The following ENTREP2 variants were observed in gnomAD, a reference collection of about 807,000 sequenced individuals.
ENTREP2 encodes protein ENTREP2.
the ENTREP2 span, among the ~76,000 whole-genome samples, chr15:29,623,195 T>C: frequency 3.9e-5 from 6 of 152,162 alleles, no homozygotes; most frequent in African/African-American, 1.2e-4. Flanking sequence ...CGTCTTCCCC[T>C]GACAATGTTT....
chr15:29,368,735 G>A, the ENTREP2 span, among the ~76,000 whole-genome samples: 1 of 151,848 alleles, frequency 6.6e-6, no homozygotes, highest in South Asian at 2.1e-4. Flanking sequence ...AAATTAGCCA[G>A]GTGTGGTAGC....
At chr15:29,377,859 TAATAAA>T in the ENTREP2 span, among the ~76,000 whole-genome samples, 20,901 of 142,174 alleles carry the variant, frequency 0.15, 1,737 homozygotes, top group South Asian at 0.26. Flanking sequence ...ATAATAATAA[TAATAAA>T]AAAATGAGCC....
chr15:29,538,606 A>G, the ENTREP2 span, among the ~76,000 whole-genome samples: 1 of 147,332 alleles, frequency 6.8e-6, no homozygotes, highest in Admixed American at 6.9e-5. Context: ...CATCCTGGCT[A>G]ACACGGTGAA....
the ENTREP2 span, among the ~76,000 whole-genome samples, chr15:29,672,039 T>C: frequency 6.6e-6 from 1 of 152,144 alleles, no homozygotes; most frequent in South Asian, 2.1e-4. Flanking sequence ...CAGGCTGGAG[T>C]GCAGTGGCGC....
the ENTREP2 span, among the ~76,000 whole-genome samples, chr15:29,380,430 A>C: frequency 2.0e-5 from 3 of 152,100 alleles, no homozygotes; most frequent in African/African-American, 7.2e-5. Context: ...TAAAGAGGAG[A>C]TTTTAAATAA....
the ENTREP2 span, among the ~76,000 whole-genome samples, chr15:29,416,626 C>T: frequency 6.6e-6 from 1 of 152,178 alleles, no homozygotes; most frequent in African/African-American, 2.4e-5. Flanking sequence ...GCAATGGCAA[C>T]AAAAGCCAAA....
chr15:29,362,115 C>A, the ENTREP2 span, among the ~76,000 whole-genome samples: 1 of 152,076 alleles, frequency 6.6e-6, no homozygotes, highest in Non-Finnish European at 1.5e-5. Flanking sequence ...CAGAGACGGC[C>A]CCCACTCAGT....
chr15:29,411,582 A>G, the ENTREP2 span, among the ~76,000 whole-genome samples: 1 of 152,318 alleles, frequency 6.6e-6, no homozygotes, highest in East Asian at 1.9e-4. Flanking sequence ...TGAAATCATA[A>G]TCAGTTATGT....
the ENTREP2 span, among the ~76,000 whole-genome samples, chr15:29,606,850 G>A: frequency 6.6e-6 from 1 of 151,544 alleles, no homozygotes; most frequent in African/African-American, 2.4e-5. Context: ...TCTTTTTTGA[G>A]ACAGGTTCTT....
the ENTREP2 span, among the ~76,000 whole-genome samples, chr15:29,479,809 C>T: frequency 6.6e-6 from 1 of 152,066 alleles, no homozygotes; most frequent in Non-Finnish European, 1.5e-5. Context: ...ACACTTTTCC[C>T]ATTGGGCTGA....
At chr15:29,271,726 C>A in the ENTREP2 span, among the ~76,000 whole-genome samples, 2 of 152,116 alleles carry the variant, frequency 1.3e-5, no homozygotes, top group Non-Finnish European at 2.9e-5. Context: ...GTGTTGTGAG[C>A]TCTTTAAAGG....
chr15:29,466,803 A>G, the ENTREP2 span, among the ~76,000 whole-genome samples: 4 of 126,210 alleles, frequency 3.2e-5, no homozygotes, highest in Non-Finnish European at 6.6e-5. Flanking sequence ...AGGACGCTGC[A>G]GCCCCCAGGG....
chr15:29,296,720 C>A, the ENTREP2 span, among the ~76,000 whole-genome samples: 1 of 152,160 alleles, frequency 6.6e-6, no homozygotes, highest in Non-Finnish European at 1.5e-5. Context: ...TCTAGGGCTG[C>A]TGTAATCAAG....
At chr15:29,354,504 C>T in the ENTREP2 span, among the ~76,000 whole-genome samples, 1 of 152,098 alleles carries the variant, frequency 6.6e-6, no homozygotes, top group Non-Finnish European at 1.5e-5. Context: ...TCAATTAAGA[C>T]CCTTCTATCA....
the ENTREP2 span, among the ~76,000 whole-genome samples, chr15:29,623,247 C>G: frequency 2.0e-5 from 3 of 152,178 alleles, no homozygotes; most frequent in African/African-American, 7.2e-5. Flanking sequence ...GAGCCAGCCT[C>G]TGAGCGAGGA....
the ENTREP2 span, among the ~76,000 whole-genome samples, chr15:29,284,390 C>T: frequency 6.6e-6 from 1 of 151,884 alleles, no homozygotes; most frequent in Non-Finnish European, 1.5e-5. Context: ...AAACCCATCT[C>T]TACTAAAAAT....
At chr15:29,346,068 T>G in the ENTREP2 span, among the ~76,000 whole-genome samples, 4 of 152,120 alleles carry the variant, frequency 2.6e-5, no homozygotes, top group Non-Finnish European at 5.9e-5. Flanking sequence ...GAGCCAAGCA[T>G]CCCGCTCGGC....
At chr15:29,533,564 C>T in the ENTREP2 span, among the ~76,000 whole-genome samples, 2 of 152,142 alleles carry the variant, frequency 1.3e-5, no homozygotes, top group East Asian at 1.9e-4. Flanking sequence ...GTACAAGAGT[C>T]TTAAGTGGTA....
At chr15:29,526,621 C>T in the ENTREP2 span, among the ~76,000 whole-genome samples, 1 of 151,918 alleles carries the variant, frequency 6.6e-6, no homozygotes, top group Non-Finnish European at 1.5e-5. Context: ...GTCACCACAC[C>T]TGGCTACTAT....
Sources: gnomAD v4.1 joint callset for allele counts (sites outside exome capture counted in the v4.1 genomes callset) on GRCh38, gnomAD v4.1.1 for gene constraint, MANE v1.5 for transcripts, NCBI Gene and HGNC (gene_info 2026-07-23, HGNC 2026-07-21) for gene names.